Variants in ADGRB3 observed in about 807,000 individuals in gnomAD.
ADGRB3 encodes adhesion G protein-coupled receptor B3.
Under a neutral mutation model 193.4 loss-of-function variants are expected in ADGRB3, and 37 were observed. The observed-to-expected ratio is 0.19, with a 90% CI of 0.15 to 0.25. The LOEUF is 0.25. Ranked by LOEUF, ADGRB3 falls within the 10% of genes least tolerant of loss-of-function variation. The probability of loss-of-function intolerance (pLI) is 1.00; values close to 1 mark genes in which losing one functional copy is unlikely to be tolerated. For missense variants in ADGRB3, 1,637 were observed against 1,852.9 expected (o/e 0.88, Z 2.14); for synonymous variants, 690 against 644.2 (o/e 1.07, Z -1.08).
intron 17 of ADGRB3, among the ~76,000 whole-genome samples, chr6:69,112,022 G>C (rs1363305728): frequency 6.6e-6 from 1 of 152,206 alleles, no homozygotes; most frequent in Non-Finnish European, 1.5e-5. Context: ...TGGCAGATAG[G>C]CTCTGTGATA....
At chr6:69,254,404 C>CT (rs1432652196) in intron 20 of ADGRB3, among the ~76,000 whole-genome samples, 1 of 151,758 alleles carries the variant, frequency 6.6e-6, no homozygotes, top group Non-Finnish European at 1.5e-5. Context: ...ATGCCTATTA[C>CT]TTTTTTTTCC....
At chr6:68,865,170 A>C (rs919734222) in intron 3 of ADGRB3, among the ~76,000 whole-genome samples, 4 of 152,172 alleles carry the variant, frequency 2.6e-5, no homozygotes, top group Non-Finnish European at 1.5e-5. Flanking sequence ...CCAGTTTATG[A>C]GGAGTTTCAA....
rs141856385 is a variant in ADGRB3, at chr6:69,314,913, T to G, written c.2815-9959T>G. ...TGGTTTTAGTGACTCATTTCATTAG[T>G]TGAGGTGCTTTATCCAGGTAACCTC... On this transcript the variant is annotated intron_variant, in intron 20 of 31. Coordinates refer to ENST00000370598, the MANE Select transcript of ADGRB3 (RefSeq NM_001704.3). Among the ~76,000 whole-genome samples, 3 of 151,704 alleles carry G rather than the reference T, an allele frequency of 2.0e-5. No homozygotes were observed. In the East Asian group the frequency reaches 5.8e-4, roughly 29 times the overall value.
intron 17 of ADGRB3, among the ~76,000 whole-genome samples, chr6:69,221,872 A>G (rs1416103173): frequency 6.6e-6 from 1 of 152,104 alleles, no homozygotes; most frequent in Admixed American, 6.6e-5. Context: ...TCGGTAGCAT[A>G]TAATTTTTCT....
chr6:68,884,981 G>C (rs1412428849), intron 3 of ADGRB3, among the ~76,000 whole-genome samples: 2 of 152,150 alleles, frequency 1.3e-5, no homozygotes, highest in Admixed American at 6.6e-5. Context: ...TATAGGTAGA[G>C]AGATAAGTCA....
chr6:68,846,039 C>T (rs1205689050), intron 3 of ADGRB3, among the ~76,000 whole-genome samples: 1 of 152,084 alleles, frequency 6.6e-6, no homozygotes, highest in African/African-American at 2.4e-5. Context: ...CTGAAGCAGT[C>T]TCAGATGGAG....
In ADGRB3 at chr6:69,029,679, A is replaced by G. The variant is rs147705022; in HGVS notation, c.2107+11180A>G. Among the ~76,000 whole-genome samples, 471 of 152,308 alleles carry G rather than the reference A, an allele frequency of 3.1e-3. 4 individuals carry two copies. The highest frequency in any genetic ancestry group is 0.011 in the African/African-American group (446 of 41,568). On this transcript the variant is annotated intron_variant, in intron 13 of 31. Coordinates refer to ENST00000370598, the MANE Select transcript of ADGRB3 (RefSeq NM_001704.3). ...AGGACTGAAGAATGAAATGACTATA[A>G]CAGAGATAGTGATGGTGAAGGAGTG...
At chr6:69,008,384 T>C (rs916970418) in intron 11 of ADGRB3, among the ~76,000 whole-genome samples, 5 of 152,192 alleles carry the variant, frequency 3.3e-5, no homozygotes, top group Non-Finnish European at 7.3e-5. Flanking sequence ...GTATTTAGTA[T>C]ACCTTTCCTC....
chr6:68,879,576 A>G (rs1765682251), intron 3 of ADGRB3, among the ~76,000 whole-genome samples: 1 of 149,642 alleles, frequency 6.7e-6, no homozygotes, highest in Non-Finnish European at 1.5e-5. Context: ...CCCAACTGGT[A>G]GCAAAAAAGG....
At chr6:68,895,922 A>G (rs796675819) in intron 3 of ADGRB3, among the ~76,000 whole-genome samples, 30 of 152,194 alleles carry the variant, frequency 2.0e-4, no homozygotes, top group African/African-American at 7.2e-4. Flanking sequence ...ATGATTATTT[A>G]TTATTAAAAA....
intron 17 of ADGRB3, among the ~76,000 whole-genome samples, chr6:69,228,353 G>A (rs1472904806): frequency 2.6e-5 from 4 of 152,192 alleles, no homozygotes; most frequent in South Asian, 2.1e-4. Context: ...ACATAATATA[G>A]TTCTCAAAAG....
chr6:69,152,032 A>G (rs1667372016), intron 17 of ADGRB3, among the ~76,000 whole-genome samples: 1 of 152,134 alleles, frequency 6.6e-6, no homozygotes, highest in African/African-American at 2.4e-5. Context: ...CCATGATTGT[A>G]AGTTTGCTGA....
At chr6:69,376,810 C>A (rs1769834094) in intron 30 of ADGRB3, among the ~76,000 whole-genome samples, 1 of 152,002 alleles carries the variant, frequency 6.6e-6, no homozygotes, top group South Asian at 2.1e-4. Flanking sequence ...AAAGTTTGAG[C>A]AATTTAGTCC....
chr6:68,856,103 C>T (rs1422580473), intron 3 of ADGRB3, among the ~76,000 whole-genome samples: 1 of 152,216 alleles, frequency 6.6e-6, no homozygotes, highest in African/African-American at 2.4e-5. Flanking sequence ...AGACTTGCTC[C>T]TCCTTGCCTT....
chr6:69,371,022 G>A (rs1769696475), intron 29 of ADGRB3, among the ~76,000 whole-genome samples: 1 of 152,050 alleles, frequency 6.6e-6, no homozygotes, highest in African/African-American at 2.4e-5. Flanking sequence ...CTGAGGTGCT[G>A]TTGGAGACAA....
chr6:68,900,096 T>C (rs981351162), intron 3 of ADGRB3, among the ~76,000 whole-genome samples: 5 of 152,120 alleles, frequency 3.3e-5, no homozygotes, highest in Non-Finnish European at 7.4e-5. Flanking sequence ...GTTAAATGTA[T>C]TGACTATGTG....
At chr6:68,877,619 C>T (rs867545508) in intron 3 of ADGRB3, among the ~76,000 whole-genome samples, 1 of 152,002 alleles carries the variant, frequency 6.6e-6, no homozygotes, top group Non-Finnish European at 1.5e-5. Context: ...TGGATCTGGG[C>T]TAATTAGACA....
At chr6:69,060,633 G>A (rs1442479214) in intron 15 of ADGRB3, among the ~76,000 whole-genome samples, 2 of 151,934 alleles carry the variant, frequency 1.3e-5, no homozygotes, top group Non-Finnish European at 2.9e-5. Flanking sequence ...CCGGTAACTA[G>A]GATTATAAAG....
At chr6:68,899,691 A>C (rs1428533842) in intron 3 of ADGRB3, among the ~76,000 whole-genome samples, 1 of 152,046 alleles carries the variant, frequency 6.6e-6, no homozygotes, top group Admixed American at 6.6e-5. Flanking sequence ...CAGTCTAGCC[A>C]TTCTTATATA....
Sources: gnomAD v4.1 joint callset for allele counts (sites outside exome capture counted in the v4.1 genomes callset) on GRCh38, gnomAD v4.1.1 for gene constraint, MANE v1.5 for transcripts, NCBI Gene and HGNC (gene_info 2026-07-23, HGNC 2026-07-21) for gene names.